Variants in UGGT2 observed in about 807,000 individuals in gnomAD.
UGGT2 encodes the protein UDP-glucose glycoprotein glucosyltransferase 2.
A neutral mutation model predicts 192.1 loss-of-function variants in UGGT2; 180 were observed. The ratio of observed to expected loss-of-function variants is 0.94; its 90% CI spans 0.83 to 1.06. UGGT2 has a LOEUF of 1.06. Ranked by LOEUF, UGGT2 falls within the 50% of genes least tolerant of loss-of-function variation. UGGT2 has a pLI of 0.00. For missense variants in UGGT2, 1,849 were observed against 1,795.7 expected, an observed-to-expected ratio of 1.03 and a Z score of -0.54; for synonymous variants, 580 against 591.0, an observed-to-expected ratio of 0.98 and a Z score of 0.27.
At chr13:95,931,315 C>G (rs2049255940) in intron 17 of UGGT2, among the ~76,000 whole-genome samples, 1 of 152,178 alleles carries the variant, frequency 6.6e-6, no homozygotes, top group African/African-American at 2.4e-5. Flanking sequence ...ATTCACAATC[C>G]CTCAGCTACA....
At chr13:96,049,099 C>T (rs1415634637) in intron 1 of UGGT2, among the ~76,000 whole-genome samples, 1 of 152,152 alleles carries the variant, frequency 6.6e-6, no homozygotes, top group African/African-American at 2.4e-5. Flanking sequence ...ACTGGCAAAC[C>T]AAATCCAGCA....
At chr13:95,981,938 T>C (rs1435640977) in intron 10 of UGGT2, among the ~76,000 whole-genome samples, 3 of 152,222 alleles carry the variant, frequency 2.0e-5, no homozygotes, top group African/African-American at 7.2e-5. Flanking sequence ...ATGAAAGACA[T>C]TATCATCCTT....
intron 8 of UGGT2, among the ~76,000 whole-genome samples, chr13:95,988,628 T>A (rs1382614574): frequency 6.6e-6 from 1 of 152,194 alleles, no homozygotes; most frequent in African/African-American, 2.4e-5. Flanking sequence ...ATGATTTTTC[T>A]ATTGATATAT....
chr13:96,047,314 T>C (rs537971098), intron 1 of UGGT2, among the ~76,000 whole-genome samples: 5 of 152,316 alleles, frequency 3.3e-5, no homozygotes, highest in African/African-American at 1.2e-4. Context: ...CGTTCTGCAA[T>C]ATTTGCTGTT....
intron 12 of UGGT2, among the ~76,000 whole-genome samples, chr13:95,959,843 T>C (rs2050332656): frequency 6.6e-6 from 1 of 152,184 alleles, no homozygotes; most frequent in Admixed American, 6.5e-5. Context: ...CTGGTGCTAG[T>C]GTACACCACC....
At chr13:95,864,161 T>C (rs1303705138) in intron 30 of UGGT2, among the ~76,000 whole-genome samples, 1 of 152,142 alleles carries the variant, frequency 6.6e-6, no homozygotes, top group Non-Finnish European at 1.5e-5. Flanking sequence ...TTAAATAATA[T>C]TTAAATCTCT....
chr13:96,038,498 A>G (rs2053070478), intron 1 of UGGT2, among the ~76,000 whole-genome samples: 1 of 152,194 alleles, frequency 6.6e-6, no homozygotes, highest in Non-Finnish European at 1.5e-5. Flanking sequence ...TCCTAGGGCT[A>G]CCACACCATT....
At chr13:95,839,604 T>C (rs1887649201) in intron 36 of UGGT2, among the ~76,000 whole-genome samples, 1 of 152,222 alleles carries the variant, frequency 6.6e-6, no homozygotes, top group Non-Finnish European at 1.5e-5. Flanking sequence ...TAAACATTTG[T>C]ACAAATTTTT....
At chr13:95,906,025 A>G (rs1012382442) in intron 20 of UGGT2, among the ~76,000 whole-genome samples, 13 of 152,216 alleles carry the variant, frequency 8.5e-5, no homozygotes, top group Non-Finnish European at 1.8e-4. Context: ...CTATTTTTCT[A>G]TCCTTGTGCT....
intron 22 of UGGT2, among the ~76,000 whole-genome samples, chr13:95,896,022 C>G (rs949171961): frequency 2.0e-5 from 3 of 152,048 alleles, no homozygotes; most frequent in Admixed American, 6.6e-5. Flanking sequence ...CTACCATGAG[C>G]ACTTTCTGAG....
intron 2 of UGGT2, 72 bp downstream of exon 2, chr13:96,031,817 A>T: frequency 1.7e-6 from 2 of 1,183,670 alleles, no homozygotes; most frequent in South Asian, 3.2e-5. Flanking sequence ...CATTACCATT[A>T]AAAAATAATA....
At chr13:95,933,647 TAA>T (rs2049362720) in intron 17 of UGGT2, among the ~76,000 whole-genome samples, 1 of 151,770 alleles carries the variant, frequency 6.6e-6, no homozygotes, top group Non-Finnish European at 1.5e-5. Context: ...GGTGTGATGT[TAA>T]GTCATTATTT....
chr13:95,834,909 C>T (rs937107870), intron 37 of UGGT2, among the ~76,000 whole-genome samples: 4 of 152,106 alleles, frequency 2.6e-5, no homozygotes, highest in African/African-American at 9.7e-5. Flanking sequence ...GAAAACCATA[C>T]ACATAATTTG....
At chr13:95,845,644 C>T (rs1208918108) in intron 36 of UGGT2, among the ~76,000 whole-genome samples, 3 of 152,028 alleles carry the variant, frequency 2.0e-5, no homozygotes, top group African/African-American at 7.2e-5. Context: ...TCGACAAAAC[C>T]GCCATCGTCA....
At chr13:95,996,211 G>C (rs2051614423) in intron 6 of UGGT2, 76 bp from the exon 7 acceptor site, 1 of 1,380,876 alleles carries the variant, frequency 7.2e-7, no homozygotes, top group African/African-American at 1.5e-5. Flanking sequence ...TCAAAAATTA[G>C]AAGAACTTGG....
At chr13:95,961,455 A>G (rs1409992020) in intron 12 of UGGT2, among the ~76,000 whole-genome samples, 2 of 152,308 alleles carry the variant, frequency 1.3e-5, no homozygotes, top group African/African-American at 4.8e-5. Flanking sequence ...GAATAGCTAT[A>G]CTTTTATCAG....
intron 12 of UGGT2, among the ~76,000 whole-genome samples, chr13:95,953,243 C>G (rs1489228266): frequency 3.9e-5 from 6 of 152,204 alleles, no homozygotes; most frequent in Admixed American, 3.9e-4. Flanking sequence ...AACCTTGAAA[C>G]TGTCTTTGTT....
At chr13:95,861,783 A>G (rs529086728) in intron 31 of UGGT2, among the ~76,000 whole-genome samples, 28 of 152,272 alleles carry the variant, frequency 1.8e-4, no homozygotes, top group African/African-American at 6.3e-4. Flanking sequence ...TCTCCCAAAT[A>G]AGAAAAGAAG....
chr13:95,928,818 C>T (rs893630748), intron 17 of UGGT2, among the ~76,000 whole-genome samples: 4 of 152,122 alleles, frequency 2.6e-5, no homozygotes, highest in African/African-American at 4.8e-5. Flanking sequence ...GCTGCAATCT[C>T]GGCACTTTGG....
Sources: allele counts gnomAD v4.1 joint callset (sites outside exome capture counted in the v4.1 genomes callset), GRCh38; gene constraint gnomAD v4.1.1; transcripts MANE v1.5; gene names NCBI Gene and HGNC (gene_info 2026-07-23, HGNC 2026-07-21).